Variants in ZNF226 observed in about 807,000 individuals in gnomAD.
ZNF226 encodes zinc finger protein 226.
ZNF226 carries 6 observed loss-of-function variants against 11.4 expected under a neutral mutation model. The observed-to-expected ratio is 0.53, with a 90% confidence interval of 0.29 to 1.04. The LOEUF is 1.04. ZNF226 is among the 50% of genes least tolerant of loss of function. ZNF226 has a pLI of 0.08. For synonymous variants in ZNF226, 350 were observed against 322.8 expected (o/e 1.08, Z -0.90); for missense variants, 1,058 against 956.5 (o/e 1.11, Z -1.40).
At chr19:44,175,198 A>G in intron 5 of ZNF226, 2 of 1,421,610 alleles carry the variant, frequency 1.4e-6, no homozygotes, top group Non-Finnish European at 1.8e-6. Context: ...GTTTTTCCTT[A>G]TTGATACCAT....
intron 2 of ZNF226, among the ~76,000 whole-genome samples, chr19:44,167,399 A>C (rs1599716324): frequency 6.9e-6 from 1 of 145,896 alleles, no homozygotes. Context: ...GCTCACTGCA[A>C]CCTCCGCCTC....
the ZNF226 span, among the ~76,000 whole-genome samples, chr19:44,195,913 A>G: frequency 3.3e-5 from 5 of 152,346 alleles, no homozygotes; most frequent in South Asian, 4.1e-4. Context: ...ATTCTGCATA[A>G]TGTTCTAGCA....
intron 5 of ZNF226, chr19:44,174,916 C>T (rs1970539204): frequency 1.4e-6 from 2 of 1,463,620 alleles, no homozygotes; most frequent in Non-Finnish European, 1.9e-6. Context: ...CTTGGTGTAC[C>T]CCTACCTCAG....
At chr19:44,184,290 C>T in the ZNF226 span, among the ~76,000 whole-genome samples, 1 of 152,062 alleles carries the variant, frequency 6.6e-6, no homozygotes, top group Non-Finnish European at 1.5e-5. Context: ...CATTAGATTC[C>T]TAGAGGACTG....
chr19:44,185,138 T>C, the ZNF226 span, among the ~76,000 whole-genome samples: 1 of 152,258 alleles, frequency 6.6e-6, no homozygotes, highest in Non-Finnish European at 1.5e-5. Context: ...ATTGTCTGTG[T>C]ACAGCACATT....
At position 44,172,210 on chromosome 19, in the gene ZNF226, A is replaced by T. The variant is rs768935367; in HGVS notation, c.138A>T (p.Ser46=). ...VMVENFRNLL[S]VGHPPFKQDV... ...TGGAGAACTTTAGGAACCTGCTGTC[A>T]GTGGGTGAGGACAGCCTCCCTCTGG... is the stretch of plus-strand genomic sequence containing the variant. Residue 46 remains serine, a synonymous_variant, in exon 4 of 6, where the codon TCA becomes TCT. Coordinates refer to ENST00000337433, the MANE Select transcript of ZNF226 (RefSeq NM_001032373.2). 6.2e-7 allele frequency: 1 copy of T among 1,610,956 alleles called. No homozygotes were observed. Among genetic ancestry groups the T allele is most frequent in the Non-Finnish European group, 8.5e-7 (1 of 1,178,018 alleles).
intron 5 of ZNF226, chr19:44,173,577 C>T (rs59576456): frequency 0.14 from 20,745 of 152,240 alleles, 3,604 homozygotes; most frequent in African/African-American, 0.39. Context: ...CTGGCTAACA[C>T]GGTGAAACCC....
In ZNF226 at chr19:44,177,556, G is replaced by T; in HGVS notation, c.2294G>T (p.Ser765Ile). The T allele has an allele frequency of 1.2e-6, 2 of 1,614,042 alleles. No individual in the cohort carries two copies. The highest frequency in any genetic ancestry group is 3.3e-4 in the Middle Eastern group (2 of 6,062). Residue 765 changes from serine to isoleucine, a missense_variant, in exon 6 of 6, where the codon AGT becomes ATT. Transcript: ENST00000337433. The stretch of plus-strand genomic sequence containing the variant: ...TGTGAGATATGTGGTAAGAGCTTCA[G>T]TTGGCGATCAAATCTTACAGTTCAT... Reference protein sequence around the residue: ...YKCEICGKSFSWRSNLTVHHR... With the variant: ...YKCEICGKSFIWRSNLTVHHR...
intron 4 of ZNF226, 92 bp from the exon 5 acceptor site, chr19:44,172,768 C>T (rs776353312): frequency 6.5e-5 from 64 of 980,370 alleles, no homozygotes; most frequent in Non-Finnish European, 9.1e-5. Context: ...ACACTGCTTT[C>T]AGTGTCTTGA....
the ZNF226 span, among the ~76,000 whole-genome samples, chr19:44,192,443 C>T: frequency 2.0e-5 from 3 of 152,072 alleles, no homozygotes; most frequent in Non-Finnish European, 2.9e-5. Context: ...TTTAGTCGTT[C>T]ACTTAATCAG....
chr19:44,174,930 C>T (rs1970541323), intron 5 of ZNF226: 4 of 1,559,424 alleles, frequency 2.6e-6, no homozygotes, highest in South Asian at 2.3e-5. Flanking sequence ...ACCTCAGGTA[C>T]AGCTTTTCAA....
intron 5 of ZNF226, chr19:44,174,677 A>G (rs978414795): frequency 8.9e-6 from 2 of 224,406 alleles, no homozygotes; most frequent in Non-Finnish European, 1.7e-5. Flanking sequence ...TTATTTCACA[A>G]TTGACTAGTA....
At chr19:44,179,921 A>T (rs1008059994), downstream of ZNF226, among the ~76,000 whole-genome samples, 3 of 144,100 alleles carry the variant, frequency 2.1e-5, no homozygotes, top group Non-Finnish European at 3.2e-5. Flanking sequence ...CATCACTATT[A>T]AAAAAAAATA....
intron 2 of ZNF226, among the ~76,000 whole-genome samples, chr19:44,167,267 C>G (rs181430616): frequency 8.0e-5 from 12 of 150,412 alleles, no homozygotes; most frequent in Non-Finnish European, 1.3e-4. Context: ...TTGTCATCAT[C>G]TCGTCATCGT....
chr19:44,178,126 C>T (rs1970847427), downstream of ZNF226: 5 of 160,060 alleles, frequency 3.1e-5, no homozygotes, highest in African/African-American at 1.2e-4. Context: ...AGTCGGGAGA[C>T]CATTGAAATG....
In ZNF226 at chr19:44,176,811, C is replaced by T. The variant is rs1346291579; in HGVS notation, c.1549C>T (p.His517Tyr). Reference protein sequence around the residue: ...ECGKSFRRNSHYQVHLVVHTG... With the variant: ...ECGKSFRRNSYYQVHLVVHTG... ...TGGGAAGAGCTTCAGGAGGAATTCCCATTATCAAGTTCATCTAGTGGTCCA... is the reference window on the plus strand; with the variant it reads ...TGGGAAGAGCTTCAGGAGGAATTCCTATTATCAAGTTCATCTAGTGGTCCA... Residue 517 changes from histidine to tyrosine, a missense_variant, in exon 6 of 6, where the codon CAT becomes TAT. Physicochemically the swap from His to Tyr is moderately conservative, Grantham distance 83 (BLOSUM62 2). Transcript: ENST00000337433. 6.2e-7 allele frequency: 1 copy of T among 1,612,308 alleles called. No homozygotes were observed. The highest frequency in any genetic ancestry group is 8.5e-7 in the Non-Finnish European group (1 of 1,179,524).
At chr19:44,167,091 T>G (rs1969471611) in intron 2 of ZNF226, among the ~76,000 whole-genome samples, 1 of 152,176 alleles carries the variant, frequency 6.6e-6, no homozygotes, top group Non-Finnish European at 1.5e-5. Flanking sequence ...AAGGCAGCTG[T>G]CAAGTCTAGA....
the ZNF226 span, among the ~76,000 whole-genome samples, chr19:44,185,055 A>G: frequency 6.6e-6 from 1 of 152,156 alleles, no homozygotes; most frequent in Non-Finnish European, 1.5e-5. Flanking sequence ...CACTTAGCAT[A>G]ATGTTCTCGA....
chr19:44,177,055 G>T lies in ZNF226; in HGVS notation c.1793G>T (p.Arg598Leu), dbSNP rs575965116. The T allele has an allele frequency of 1.2e-6, 2 of 1,613,894 alleles. No homozygotes were observed. Among genetic ancestry groups the T allele is most frequent in the Non-Finnish European group, 1.7e-6 (2 of 1,179,970 alleles). The stretch of plus-strand genomic sequence containing the variant: ...GAAGAGTGTGGCAAGGGATTTAGTC[G>T]TAGAGCAGATCTTAAAATTCACTGT... ...KCEECGKGFSRRADLKIHCRI... is the reference protein window; with the variant it reads ...KCEECGKGFSLRADLKIHCRI... Residue 598 changes from arginine to leucine, a missense_variant, in exon 6 of 6, where the codon CGT becomes CTT. By Grantham distance (102) the Arg-to-Leu change is moderately radical (BLOSUM62 -2). Transcript: ENST00000337433.
Sources: allele counts gnomAD v4.1 joint callset (sites outside exome capture counted in the v4.1 genomes callset), GRCh38; gene constraint gnomAD v4.1.1; transcripts MANE v1.5; gene names NCBI Gene and HGNC (gene_info 2026-07-23, HGNC 2026-07-21).